Variants in LARGE1 observed in about 807,000 individuals in gnomAD.
LARGE1 encodes xylosyl- and glucuronyltransferase LARGE1.
In LARGE1, 43 loss-of-function variants were observed where a neutral mutation model predicts 87.6. The ratio of observed to expected loss-of-function variants is 0.49; its 90% CI spans 0.38 to 0.63. The LOEUF is 0.63. Among genes scored for constraint, LARGE1 ranks in the 30% least tolerant of loss-of-function variants. The probability of loss-of-function intolerance (pLI) is 0.00; values close to 1 mark genes in which losing one functional copy is unlikely to be tolerated. For synonymous variants in LARGE1, 434 were observed against 394.6 expected (o/e 1.10, Z -1.18); for missense variants, 802 against 1,000.2 (o/e 0.80, Z 2.67).
chr22:33,298,935 G>A (rs554964470), intron 12 of LARGE1, among the ~76,000 whole-genome samples: 88 of 152,048 alleles, frequency 5.8e-4, no homozygotes, highest in Non-Finnish European at 6.6e-4. Context: ...GACGCGGGAA[G>A]CAGTGGCTCT....
Position 33,398,683 on chromosome 22 carries a change from T to C in LARGE1, c.893-14379A>G, listed in dbSNP as rs528079605. 4.6e-4 allele frequency among the ~76,000 whole-genome samples: 70 copies of C among 152,314 alleles called. 1 individual carries two copies. The highest frequency in any genetic ancestry group is 1.7e-3 in the African/African-American group (70 of 41,578). ...TGCATGTGACCCATTTTTTGGAAAATGTCTTTGCAGTTGTAATCAAGTCAA... is the reference window on the plus strand; with the variant it reads ...TGCATGTGACCCATTTTTTGGAAAACGTCTTTGCAGTTGTAATCAAGTCAA... On this transcript the variant is annotated intron_variant, in intron 7 of 14. Coordinates refer to ENST00000397394, the MANE Select transcript of LARGE1 (RefSeq NM_133642.5).
intron 11 of LARGE1, among the ~76,000 whole-genome samples, chr22:33,216,022 T>G: frequency 6.6e-6 from 1 of 152,250 alleles, no homozygotes; most frequent in Non-Finnish European, 1.5e-5. Flanking sequence ...TTGGTATTTA[T>G]TTAGTGGAAG....
chr22:33,352,773 CA>C (rs1240760724), intron 9 of LARGE1, among the ~76,000 whole-genome samples: 1 of 151,238 alleles, frequency 6.6e-6, no homozygotes, highest in East Asian at 1.9e-4. Context: ...CGACCCCCAC[CA>C]AAAAAAAGAT....
chr22:33,099,547 C>A, the LARGE1 span, among the ~76,000 whole-genome samples: 3 of 152,066 alleles, frequency 2.0e-5, no homozygotes, highest in South Asian at 2.1e-4. Context: ...CCACCGCGCC[C>A]GGCGAGGATG....
chr22:33,397,728 G>A (rs907010887), intron 7 of LARGE1, among the ~76,000 whole-genome samples: 7 of 152,210 alleles, frequency 4.6e-5, no homozygotes, highest in African/African-American at 1.7e-4. Context: ...GAGTGTGCAT[G>A]TGCTCAGGTT....
intron 1 of LARGE1, among the ~76,000 whole-genome samples, chr22:33,867,421 C>T (rs768022187): frequency 2.0e-5 from 3 of 152,136 alleles, no homozygotes; most frequent in Non-Finnish European, 4.4e-5. Flanking sequence ...TGGCCCTGGA[C>T]AAATGAAACC....
At chr22:33,424,205 G>C (rs1375788211) in intron 7 of LARGE1, among the ~76,000 whole-genome samples, 1 of 152,188 alleles carries the variant, frequency 6.6e-6, no homozygotes, top group Non-Finnish European at 1.5e-5. Flanking sequence ...TTTTAAACAG[G>C]AATTTTAAGT....
chr22:33,619,831 A>C (rs2079692516), intron 4 of LARGE1, among the ~76,000 whole-genome samples: 1 of 152,214 alleles, frequency 6.6e-6, no homozygotes, highest in Non-Finnish European at 1.5e-5. Flanking sequence ...CCTGATACAG[A>C]GCAAGAGCTA....
chr22:33,454,425 C>T (rs2068051395), intron 6 of LARGE1, among the ~76,000 whole-genome samples: 2 of 151,796 alleles, frequency 1.3e-5, no homozygotes, highest in South Asian at 2.1e-4. Context: ...TGAGACTAGC[C>T]TGGCCAACAT....
At chr22:33,571,804 A>C (rs2078213234) in intron 5 of LARGE1, among the ~76,000 whole-genome samples, 3 of 151,808 alleles carry the variant, frequency 2.0e-5, no homozygotes, top group African/African-American at 7.3e-5. Flanking sequence ...TAGATACTCT[A>C]CTCTGAACTG....
chr22:33,641,831 G>C (rs915465388), intron 3 of LARGE1, among the ~76,000 whole-genome samples: 1 of 151,684 alleles, frequency 6.6e-6, no homozygotes, highest in African/African-American at 2.4e-5. Flanking sequence ...AAGATTAAAG[G>C]AAAAAAAATG....
At chr22:33,312,889 G>A (rs1935760186) in intron 11 of LARGE1, among the ~76,000 whole-genome samples, 1 of 152,184 alleles carries the variant, frequency 6.6e-6, no homozygotes, top group Non-Finnish European at 1.5e-5. Flanking sequence ...TGAAAAGAGG[G>A]ACTTTGTGGT....
chr22:33,592,986 C>T (rs1323392488), intron 5 of LARGE1, among the ~76,000 whole-genome samples: 1 of 152,092 alleles, frequency 6.6e-6, no homozygotes, highest in Non-Finnish European at 1.5e-5. Flanking sequence ...ACTAGAGGTG[C>T]CCACCACCAC....
chr22:33,129,860 T>C, the LARGE1 span, among the ~76,000 whole-genome samples: 16 of 152,104 alleles, frequency 1.1e-4, no homozygotes, highest in African/African-American at 3.9e-4. Flanking sequence ...TCCAATTACC[T>C]CCACCTGGTC....
chr22:33,301,949 T>TA (rs1934205559), intron 12 of LARGE1, among the ~76,000 whole-genome samples: 1 of 152,092 alleles, frequency 6.6e-6, no homozygotes. Context: ...GTCAAATAAT[T>TA]AAATAGTCCT....
At chr22:33,413,465 T>TA (rs2066382121) in intron 7 of LARGE1, among the ~76,000 whole-genome samples, 1 of 151,590 alleles carries the variant, frequency 6.6e-6, no homozygotes, top group Non-Finnish European at 1.5e-5. Flanking sequence ...TATTTTATTT[T>TA]ATTATTATTA....
chr22:33,125,377 C>T, the LARGE1 span, among the ~76,000 whole-genome samples: 1 of 152,066 alleles, frequency 6.6e-6, no homozygotes, highest in African/African-American at 2.4e-5. Context: ...AATGGGAACA[C>T]TTATTGAGCA....
chr22:33,333,164 C>T (rs866120593), intron 10 of LARGE1, among the ~76,000 whole-genome samples: 19 of 151,970 alleles, frequency 1.3e-4, no homozygotes, highest in African/African-American at 4.1e-4. Context: ...CCACTACAGG[C>T]GCCCACCACC....
At chr22:33,843,547 T>C (rs991291577) in intron 1 of LARGE1, among the ~76,000 whole-genome samples, 9 of 151,684 alleles carry the variant, frequency 5.9e-5, no homozygotes, top group African/African-American at 1.9e-4. Context: ...AAAATGCATA[T>C]GGGGGTTTAT....
Sources: allele counts gnomAD v4.1 joint callset (sites outside exome capture counted in the v4.1 genomes callset), GRCh38; gene constraint gnomAD v4.1.1; transcripts MANE v1.5; gene names NCBI Gene and HGNC (gene_info 2026-07-23, HGNC 2026-07-21).